Variants in LRRC49 observed in about 807,000 individuals in gnomAD.
LRRC49 encodes leucine-rich repeat-containing protein 49.
A neutral mutation model predicts 83.3 loss-of-function variants in LRRC49; 50 were observed. The ratio of observed to expected loss-of-function variants is 0.60; its 90% CI spans 0.48 to 0.76. The LOEUF is 0.76. Among genes scored for constraint, LRRC49 ranks in the 30% least tolerant of loss-of-function variants. The pLI is 0.00. For synonymous variants in LRRC49, 286 were observed against 283.3 expected, an observed-to-expected ratio of 1.01 and a Z score of -0.10; for missense variants, 704 against 809.1, an observed-to-expected ratio of 0.87 and a Z score of 1.58.
In LRRC49 at chr15:71,049,756, T is replaced by C; in HGVS notation, c.*144T>C. 2 of 580,252 alleles carry C rather than the reference T, an allele frequency of 3.4e-6. No homozygotes were observed. The highest frequency in any genetic ancestry group is 5.9e-6 in the Non-Finnish European group (2 of 336,606). The allele number at this position is 580,252 out of a possible 1,614,324, so 35.9% of individuals were successfully genotyped here. A position where few individuals can be genotyped will look rare whatever the true frequency, so the allele number is the denominator to read the frequency against. On this transcript the variant is annotated 3_prime_UTR_variant, in exon 16 of 16. Transcript: ENST00000260382. ...AAAGCATTATTGCCCACTGTTCTCA[T>C]AGCTAAAAGTTAAGAAGGAAGGAAG... is the stretch of plus-strand genomic sequence containing the variant.
upstream of LRRC49, chr15:70,892,032 G>C: frequency 6.2e-7 from 1 of 1,613,374 alleles, no homozygotes; most frequent in Non-Finnish European, 8.5e-7. Context: ...CCTGCCACCA[G>C]CCTCAGGCGC....
chr15:70,913,697 A>G (rs1021095898), intron 6 of LRRC49, among the ~76,000 whole-genome samples: 4 of 152,194 alleles, frequency 2.6e-5, no homozygotes, highest in Non-Finnish European at 5.9e-5. Flanking sequence ...TTTATCCTGT[A>G]TTTTAAAAAC....
intron 14 of LRRC49, among the ~76,000 whole-genome samples, chr15:71,028,931 A>T (rs1003057063): frequency 1.3e-5 from 2 of 151,712 alleles, no homozygotes; most frequent in Non-Finnish European, 2.9e-5. Flanking sequence ...AGGGTTTTTC[A>T]TGTCTCTATC....
At chr15:70,981,721 TA>T (rs1025528876) in intron 10 of LRRC49, among the ~76,000 whole-genome samples, 7 of 152,088 alleles carry the variant, frequency 4.6e-5, no homozygotes, top group African/African-American at 1.7e-4. Flanking sequence ...TGGCACCTTC[TA>T]AAATATTTGT....
intron 11 of LRRC49, among the ~76,000 whole-genome samples, chr15:71,008,156 G>A (rs2038525469): frequency 6.6e-6 from 1 of 151,760 alleles, no homozygotes; most frequent in Non-Finnish European, 1.5e-5. Flanking sequence ...GGGTTTAGAG[G>A]TGATCTTTTT....
intron 10 of LRRC49, among the ~76,000 whole-genome samples, chr15:70,983,337 T>C (rs558020261): frequency 6.6e-6 from 1 of 152,262 alleles, no homozygotes; most frequent in Admixed American, 6.5e-5. Context: ...GAACTAGCAA[T>C]ATTAGAATAC....
At chr15:70,897,536 C>A (rs144356879) in intron 3 of LRRC49, among the ~76,000 whole-genome samples, 1,913 of 152,266 alleles carry the variant, frequency 0.013, 22 homozygotes, top group South Asian at 0.028. Flanking sequence ...TCAAATTTTA[C>A]TTCCAAGGGT....
chr15:70,974,267 C>A (rs1361904968), intron 9 of LRRC49, among the ~76,000 whole-genome samples: 1 of 152,162 alleles, frequency 6.6e-6, no homozygotes, highest in African/African-American at 2.4e-5. Flanking sequence ...TACAAATAGA[C>A]CTTGTTAGAG....
rs555589746 is a variant in LRRC49 at position 70,858,368 on chromosome 15, G to A, written c.-299+4899G>A. Among the ~76,000 whole-genome samples the A allele has an allele frequency of 9.2e-5, 14 of 152,264 alleles. No individual in the cohort carries two copies. The East Asian group carries it at 1.5e-3, about 17-fold the overall frequency. ...TGTAATCCCAGCACTTTTGGAGGCC[G>A]AGGCGGGCAAATCACTCGAGGTCAG... On this transcript the variant is annotated intron_variant, in intron 1 of 16. Transcript: ENST00000544974.
At chr15:71,009,326 A>G (rs753607261) in intron 12 of LRRC49, among the ~76,000 whole-genome samples, 15 of 151,972 alleles carry the variant, frequency 9.9e-5, no homozygotes, top group Non-Finnish European at 2.1e-4. Flanking sequence ...TGATTTTTCT[A>G]TAGCCAGTAT....
intron 1 of LRRC49, 180 bp from the exon 2 acceptor site, chr15:70,893,404 A>G (rs1419559401): frequency 4.9e-6 from 3 of 613,522 alleles, no homozygotes; most frequent in East Asian, 5.7e-5. Context: ...AAACCTTTTA[A>G]TTCTTAGATG....
chr15:70,853,901 C>T, intron 1 of LRRC49: 2 of 1,339,732 alleles, frequency 1.5e-6, no homozygotes, highest in Non-Finnish European at 9.6e-7. Flanking sequence ...GTGCCCGCGG[C>T]TCGGCTCCTC....
chr15:71,029,331 G>T (rs11072248), intron 14 of LRRC49, among the ~76,000 whole-genome samples: 44,582 of 151,984 alleles, frequency 0.29, 7,905 homozygotes, highest in Non-Finnish European at 0.39. Flanking sequence ...TTTCCATGTA[G>T]TTTGGAGTGA....
At chr15:70,872,908 A>ATT in exon 2 of LRRC49, 2 of 155,716 alleles carry the variant, frequency 1.3e-5, no homozygotes, top group Non-Finnish European at 1.3e-5. Flanking sequence ...TTTTTTTTAG[A>ATT]TGGAGTCTCA....
chr15:70,936,079 TA>T (rs1303327543), intron 7 of LRRC49, among the ~76,000 whole-genome samples: 1 of 152,192 alleles, frequency 6.6e-6, no homozygotes, highest in Non-Finnish European at 1.5e-5. Flanking sequence ...AGCAATTCAA[TA>T]TTTGTTAAGG....
At chr15:70,984,831 C>T (rs2037541789) in intron 11 of LRRC49, among the ~76,000 whole-genome samples, 1 of 145,178 alleles carries the variant, frequency 6.9e-6, no homozygotes. Context: ...TTCCTGTGTC[C>T]ATGTGTTCTC....
At chr15:70,934,720 G>A (rs926199765) in intron 7 of LRRC49, among the ~76,000 whole-genome samples, 2 of 152,192 alleles carry the variant, frequency 1.3e-5, no homozygotes, top group African/African-American at 2.4e-5. Context: ...GCATGCTGGA[G>A]CTCAAAGGGA....
At chr15:70,926,708 C>T (rs966345036) in intron 7 of LRRC49, among the ~76,000 whole-genome samples, 62 of 151,944 alleles carry the variant, frequency 4.1e-4, no homozygotes, top group African/African-American at 1.5e-3. Flanking sequence ...GTGATGTTCC[C>T]CTTCCTGTGT....
intron 7 of LRRC49, among the ~76,000 whole-genome samples, chr15:70,930,910 G>T (rs575356706): frequency 4.6e-5 from 7 of 152,294 alleles, no homozygotes; most frequent in African/African-American, 1.7e-4. Flanking sequence ...TTAGGCTTTG[G>T]CTTAAGAGAA....
Sources: gnomAD v4.1 joint callset for allele counts (sites outside exome capture counted in the v4.1 genomes callset) on GRCh38, gnomAD v4.1.1 for gene constraint, MANE v1.5 for transcripts, NCBI Gene and HGNC (gene_info 2026-07-23, HGNC 2026-07-21) for gene names.